The following DPEP2 variants were observed in gnomAD, a reference collection of about 807,000 sequenced individuals.
DPEP2 encodes dipeptidase 2.
DPEP2 carries 45 observed loss-of-function variants against 51.8 expected under a neutral mutation model. The ratio of observed to expected loss-of-function variants is 0.87; its 90% confidence interval spans 0.68 to 1.11. The LOEUF (loss-of-function observed/expected upper bound fraction) is 1.11. Ranked by LOEUF, DPEP2 falls within the 50% of genes most tolerant of loss-of-function variation. The pLI, the probability that DPEP2 is intolerant of heterozygous loss-of-function variation, is 0.00. For synonymous variants in DPEP2, 255 were observed against 262.7 expected (o/e 0.97, Z 0.28); for missense variants, 604 against 631.9 (o/e 0.96, Z 0.47).
At chr16:67,998,495 C>T (rs909305264) in intron 1 of DPEP2, among the ~76,000 whole-genome samples, 3 of 152,214 alleles carry the variant, frequency 2.0e-5, no homozygotes. Context: ...CCTGAGCCTC[C>T]CACCCCCTCC....
At chr16:67,988,913 A>G (rs997264230) in intron 9 of DPEP2, among the ~76,000 whole-genome samples, 5 of 152,056 alleles carry the variant, frequency 3.3e-5, no homozygotes, top group Non-Finnish European at 5.9e-5. Context: ...CCCTGAGAAG[A>G]AGAAGAAGAA....
In DPEP2 at chr16:67,991,679, G is replaced by C. The variant is rs1388096542; in HGVS notation, c.662+159C>G. ...AGGCATGAGCCACCGCGTCTGGCCAGGGGTCAAGTCGTATTCTGAAAACCA... is the reference window on the plus strand; with the variant it reads ...AGGCATGAGCCACCGCGTCTGGCCACGGGTCAAGTCGTATTCTGAAAACCA... On this transcript the variant is annotated intron_variant, in intron 5 of 10. Transcript: ENST00000393847. The surrounding 1 kb of genome is among the most constrained non-coding windows in gnomAD (Gnocchi z 5.1). 1.6e-5 allele frequency: 18 copies of C among 1,146,772 alleles called. No homozygotes were observed. In the East Asian group the frequency reaches 4.4e-4, roughly 28 times the overall value. 71.0% of individuals were successfully genotyped at this position (1,146,772 alleles called of 1,614,324 possible). A position where few individuals can be genotyped will look rare whatever the true frequency, so the allele number is the denominator to read the frequency against.
rs1272477138 is a variant in DPEP2 at position 67,991,126 on chromosome 16, C to A, written c.721G>T (p.Asp241Tyr). 6.2e-7 allele frequency: 1 copy of A among 1,614,196 alleles called. No individual in the cohort carries two copies. The change falls in exon 6 of 11, where the codon GAC (aspartate) becomes TAC (tyrosine). Residue 241 changes from aspartate (D) to tyrosine (Y), a missense_variant. Asp to Tyr is a radical substitution (Grantham distance 160). Coordinates refer to ENST00000393847, the MANE Select transcript of DPEP2 (RefSeq NM_022355.4). The surrounding 1 kb of genome is among the most constrained non-coding windows in gnomAD (Gnocchi z 5.1). ...ACCAGGGTCCTCACCTCACCAAAGTCAGTCAGCCCGCTGATGTTGTTGTAG... is the reference window on the plus strand; with the variant it reads ...ACCAGGGTCCTCACCTCACCAAAGTAAGTCAGCCCGCTGATGTTGTTGTAG... ...SFYNNISGLT[D>Y]FGEKVVAEMN...
intron 10 of DPEP2, 46 bp from the exon 11 acceptor site, chr16:67,987,806 C>T: frequency 1.9e-6 from 3 of 1,613,908 alleles, no homozygotes; most frequent in Non-Finnish European, 2.5e-6. Context: ...CTCCTTGATA[C>T]ACTTGCTCAG....
Position 67,993,026 on chromosome 16 carries a change from T to C in DPEP2, c.187A>G (p.Thr63Ala). The change falls in exon 2 of 11, where the codon ACA becomes GCA. Residue 63 changes from threonine (T) to alanine (A), a missense_variant. Thr to Ala is a moderately conservative substitution (Grantham distance 58). Coordinates refer to ENST00000393847, the MANE Select transcript of DPEP2 (RefSeq NM_022355.4). The stretch of plus-strand genomic sequence containing the variant: ...CCCTGGGTGCTGGGACTACTGAGTG[T>C]GGTCGAGGGAGCGTAGGTGCCCGGC... ...TMPGTYAPSTTLSSPSTQGLQ... is the reference protein window; with the variant it reads ...TMPGTYAPSTALSSPSTQGLQ... 1 of 1,595,592 alleles carries C rather than the reference T, an allele frequency of 6.3e-7. No individual in the cohort carries two copies. Among genetic ancestry groups the C allele is most frequent in the Non-Finnish European group, 8.5e-7 (1 of 1,170,684 alleles).
rs2032216897 is a variant in DPEP2, at chr16:67,991,995, T to C, written c.521-16A>G. On this transcript the variant is annotated splice_polypyrimidine_tract_variant and intron_variant, in intron 4 of 10. Coordinates refer to ENST00000393847, the MANE Select transcript of DPEP2 (RefSeq NM_022355.4). The surrounding 1 kb of genome is among the most constrained non-coding windows in gnomAD (Gnocchi z 5.1). ...TCGTTCAGAGCTGGGGGCAGGTAGG[T>C]CAGGTGATTACTTTCCAGGGCTGGA... 1 of 1,614,006 alleles carries C rather than the reference T, an allele frequency of 6.2e-7. No homozygotes were observed. The highest frequency in any genetic ancestry group is 8.5e-7 in the Non-Finnish European group (1 of 1,179,934).
chr16:67,989,244 G>A (rs2031817829), intron 9 of DPEP2, 79 bp downstream of exon 9: 1 of 1,507,998 alleles, frequency 6.6e-7, no homozygotes, highest in Non-Finnish European at 9.2e-7. Context: ...AAGGCCTAAA[G>A]GACGTGATGG....
intron 1 of DPEP2, among the ~76,000 whole-genome samples, chr16:67,999,086 G>T (rs932962609): frequency 2.0e-5 from 3 of 152,134 alleles, no homozygotes; most frequent in African/African-American, 7.2e-5. Flanking sequence ...TGGAAGCTTT[G>T]TTCTTTTGCT....
intron 9 of DPEP2, among the ~76,000 whole-genome samples, chr16:67,989,059 C>A (rs1777823373): frequency 6.6e-6 from 1 of 152,172 alleles, no homozygotes; most frequent in Admixed American, 6.5e-5. Context: ...GGGCTCACAC[C>A]AGACCTTGCT....
At chr16:67,996,187 C>T (rs1396082947) in intron 1 of DPEP2, among the ~76,000 whole-genome samples, 1 of 149,834 alleles carries the variant, frequency 6.7e-6, no homozygotes, top group Non-Finnish European at 1.5e-5. Context: ...CAGGTACTCG[C>T]CACCACACTC....
At chr16:67,989,098 C>G (rs1178379416) in intron 9 of DPEP2, among the ~76,000 whole-genome samples, 1 of 152,186 alleles carries the variant, frequency 6.6e-6, no homozygotes, top group African/African-American at 2.4e-5. Flanking sequence ...AGTGAGTCTC[C>G]TGGGCTTGGG....
intron 8 of DPEP2, 146 bp downstream of exon 8, chr16:67,989,901 T>C: frequency 1.3e-6 from 1 of 798,840 alleles, no homozygotes; most frequent in Non-Finnish European, 2.0e-6. Flanking sequence ...GCACTGACTC[T>C]GTGGCTGCAG....
chr16:67,990,612 T>A (rs1226432929), intron 7 of DPEP2, among the ~76,000 whole-genome samples: 1 of 152,116 alleles, frequency 6.6e-6, no homozygotes, highest in Non-Finnish European at 1.5e-5. Context: ...TACAGGAATA[T>A]GCCATCACAC....
intron 1 of DPEP2, chr16:67,994,871 AACTGTCACGTCT>A: frequency 1.0e-6 from 1 of 985,508 alleles, no homozygotes; most frequent in African/African-American, 1.7e-5. Flanking sequence ...GAGGTGGGTT[AACTGTCACGTCT>A]ACTGCTGCCG....
chr16:67,992,091 C>T lies in DPEP2; in HGVS notation c.493G>A (p.Glu165Lys). 1 of 1,614,152 alleles carries T rather than the reference C, an allele frequency of 6.2e-7. No individual in the cohort carries two copies. Among genetic ancestry groups the T allele is most frequent in the South Asian group, 1.1e-5 (1 of 91,076 alleles). ...TTAGCCGAGGTCACAAGCTCCAGCT[C>T]AGAATAGGAGGCACACATGCGGCGT... ...LIRRMCASYS[E>K]LELVTSAKAL... Residue 165 changes from glutamate (E) to lysine (K), a missense_variant, in exon 4 of 11, where the codon GAG becomes AAG. Transcript: ENST00000393847.
In DPEP2 at chr16:67,991,147, TGTA is replaced by T. The variant is rs2032099307; in HGVS notation, c.697_699del (p.Tyr233del). 1.2e-6 allele frequency: 2 copies of T among 1,613,908 alleles called. No homozygotes were observed. The highest frequency in any genetic ancestry group is 2.7e-5 in the African/African-American group (2 of 74,920). ...AAGTCAGTCAGCCCGCTGATGTTGT[TGTA>T]GAAGGAGTGGACGCCCTTAGCGGAG... On this transcript the variant is annotated inframe_deletion, in exon 6 of 11. Coordinates refer to ENST00000393847, the MANE Select transcript of DPEP2 (RefSeq NM_022355.4). The surrounding 1 kb of genome is among the most constrained non-coding windows in gnomAD (Gnocchi z 5.1).
At chr16:67,992,403 T>C in intron 3 of DPEP2, 107 bp downstream of exon 3, 1 of 1,510,358 alleles carries the variant, frequency 6.6e-7, no homozygotes, top group Non-Finnish European at 8.9e-7. Context: ...TTTGGGTCAC[T>C]ATGGTAACTG....
intron 3 of DPEP2, 45 bp downstream of exon 3, chr16:67,992,465 T>C (rs1452411843): frequency 1.9e-6 from 3 of 1,578,764 alleles, no homozygotes; most frequent in Admixed American, 1.8e-5. Context: ...CTCCCCATCA[T>C]CCCCCAGCAG....
At position 67,991,170 on chromosome 16, in the gene DPEP2, G is replaced by A; in HGVS notation, c.677C>T (p.Ala226Val). The change falls in exon 6 of 11, where the codon GCT becomes GTT. Residue 226 changes from alanine to valine, a missense_variant. Transcript: ENST00000393847. The surrounding 1 kb of genome is among the most constrained non-coding windows in gnomAD (Gnocchi z 5.1). Reference protein sequence around the residue: ...TCNTPWAESSAKGVHSFYNNI... With the variant: ...TCNTPWAESSVKGVHSFYNNI... ...GTTGTAGAAGGAGTGGACGCCCTTA[G>A]CGGAGCTCTCTGCCCTGCAGGGTGG... 1 of 1,613,256 alleles carries A rather than the reference G, an allele frequency of 6.2e-7. No individual in the cohort carries two copies. The highest frequency in any genetic ancestry group is 8.5e-7 in the Non-Finnish European group (1 of 1,180,024).
Sources: allele counts gnomAD v4.1 joint callset (sites outside exome capture counted in the v4.1 genomes callset), GRCh38; gene constraint gnomAD v4.1.1; non-coding constraint Gnocchi (gnomAD v3.1); transcripts MANE v1.5; gene names NCBI Gene and HGNC (gene_info 2026-07-23, HGNC 2026-07-21).